NME7: variants seen among roughly 807,000 people sequenced by gnomAD.
NME7 encodes NME/NM23 family member 7.
Under a neutral mutation model 49.1 loss-of-function variants are expected in NME7, and 41 were observed. The ratio of observed to expected loss-of-function variants is 0.83; its 90% CI spans 0.65 to 1.08. The LOEUF (loss-of-function observed/expected upper bound fraction) is 1.08, where lower values mean the gene tolerates loss of function less well. Among genes scored for constraint, NME7 ranks in the 50% least tolerant of loss-of-function variants. The probability of loss-of-function intolerance (pLI) is 0.00; values close to 1 mark genes in which losing one functional copy is unlikely to be tolerated. For synonymous variants in NME7, 139 were observed against 150.6 expected (o/e 0.92, Z 0.56); for missense variants, 423 against 463.4 (o/e 0.91, Z 0.80).
chr1:169,221,903 GTTGTTTGTTTGTTTTATTTTTGT>G (rs1661155029), intron 10 of NME7, among the ~76,000 whole-genome samples: 1 of 151,614 alleles, frequency 6.6e-6, no homozygotes, highest in Non-Finnish European at 1.5e-5. Context: ...GTCTGTTGTT[GTTGTTTGTTTGTTTTATTTTTGT>G]TTGTTTGTTT....
At chr1:169,273,049 G>A (rs1270913311) in intron 7 of NME7, among the ~76,000 whole-genome samples, 1 of 134,162 alleles carries the variant, frequency 7.5e-6, no homozygotes, top group Non-Finnish European at 1.8e-5. Context: ...AATGATCAGT[G>A]ATGTTGAGCT....
At chr1:169,168,789 A>G (rs10919082) in intron 11 of NME7, 167,450 of 445,926 alleles carry the variant, frequency 0.38, 33,127 homozygotes, top group East Asian at 0.73. Flanking sequence ...GTATCTATAT[A>G]TATGTTATGC....
At chr1:169,341,469 G>C (rs952946298) in intron 1 of NME7, among the ~76,000 whole-genome samples, 5 of 152,334 alleles carry the variant, frequency 3.3e-5, no homozygotes, top group African/African-American at 7.2e-5. Flanking sequence ...AATGCAGAGG[G>C]AAAATGTGGG....
intron 6 of NME7, 54 bp downstream of exon 6, chr1:169,298,502 A>T: frequency 1.3e-6 from 2 of 1,539,168 alleles, no homozygotes; most frequent in Non-Finnish European, 1.8e-6. Context: ...TTCCTTTGAT[A>T]TAAAACATTT....
intron 6 of NME7, among the ~76,000 whole-genome samples, chr1:169,295,378 G>A (rs1329194037): frequency 1.3e-5 from 2 of 151,962 alleles, no homozygotes; most frequent in African/African-American, 4.8e-5. Context: ...GTGGTAATAG[G>A]GTGAAATAGG....
In NME7 at chr1:169,324,385, T is replaced by C; in HGVS notation, c.111+8A>G. Reference sequence around the variant, plus strand: ...TGCCAACATTCAAGCAAAGAAAGGCTTATTTACCATTTCAACAGATCCATC... The same window carrying C: ...TGCCAACATTCAAGCAAAGAAAGGCCTATTTACCATTTCAACAGATCCATC... On this transcript the variant is annotated splice_region_variant and intron_variant, in intron 2 of 11. Transcript: ENST00000367811. 3.2e-6 allele frequency: 5 copies of C among 1,580,016 alleles called. No individual in the cohort carries two copies. The highest frequency in any genetic ancestry group is 3.5e-6 in the Non-Finnish European group (4 of 1,149,900).
At chr1:169,346,315 G>A (rs1353149277) in intron 1 of NME7, among the ~76,000 whole-genome samples, 1 of 152,138 alleles carries the variant, frequency 6.6e-6, no homozygotes. Flanking sequence ...GGCCTCCAGT[G>A]ATCCGTCTGA....
intron 10 of NME7, among the ~76,000 whole-genome samples, chr1:169,197,291 T>C (rs1273014272): frequency 6.6e-6 from 1 of 152,186 alleles, no homozygotes; most frequent in African/African-American, 2.4e-5. Flanking sequence ...ATGAAATTTA[T>C]TTATGAAATT....
At chr1:169,287,120 A>C in intron 7 of NME7, 183 bp downstream of exon 7, 1 of 541,516 alleles carries the variant, frequency 1.8e-6, no homozygotes, top group Non-Finnish European at 3.3e-6. Context: ...TCCACAAAGA[A>C]AAGACAAATA....
At position 169,180,682 on chromosome 1, in the gene NME7, T is replaced by A. The variant is rs189028110; in HGVS notation, c.991-11128A>T. Among the ~76,000 whole-genome samples, 367 of 152,274 alleles carry A rather than the reference T, an allele frequency of 2.4e-3. 1 individual carries two copies. Among genetic ancestry groups the A allele is most frequent in the Middle Eastern group, 0.017 (5 of 294 alleles). ...TGTGAGCCACCTATGTAATTTAAAA[T>A]TGTCTAGTGGCCACATTAATAAGAA... On this transcript the variant is annotated intron_variant, in intron 10 of 11. Transcript: ENST00000367811.
intron 7 of NME7, among the ~76,000 whole-genome samples, chr1:169,278,170 G>A (rs964516708): frequency 6.7e-6 from 1 of 150,140 alleles, no homozygotes; most frequent in African/African-American, 2.4e-5. Flanking sequence ...ATGTCTTGGA[G>A]TTGCTCTTCT....
chr1:169,169,741 A>C (rs1235535265), intron 10 of NME7, among the ~76,000 whole-genome samples, 187 bp from the exon 11 acceptor site: 1 of 152,204 alleles, frequency 6.6e-6, no homozygotes, highest in Non-Finnish European at 1.5e-5. Context: ...TAATAATTGC[A>C]TTTCTTTTTA....
chr1:169,207,844 T>A (rs900602560), intron 10 of NME7, among the ~76,000 whole-genome samples: 1 of 151,996 alleles, frequency 6.6e-6, no homozygotes, highest in Non-Finnish European at 1.5e-5. Context: ...GAAAACAAAA[T>A]AATGAAGGCT....
chr1:169,355,418 A>G lies in NME7; in HGVS notation c.3+12290T>C, dbSNP rs115395780. On this transcript the variant is annotated intron_variant, in intron 1 of 11. Transcript: ENST00000367811. The stretch of plus-strand genomic sequence containing the variant: ...CATATACCTGCTATGTACCCATAAA[A>G]ATTTTAATTTTGTTTAAAAAAGACT... 1.5e-3 allele frequency among the ~76,000 whole-genome samples: 208 copies of G among 140,622 alleles called. 4 individuals carry two copies. Among genetic ancestry groups the G allele is most frequent in the African/African-American group, 5.4e-3 (203 of 37,332 alleles). The allele number at this position is 140,622 out of a possible 152,430, so 92.3% of individuals were successfully genotyped here.
intron 7 of NME7, among the ~76,000 whole-genome samples, chr1:169,276,307 C>A (rs1649724797): frequency 7.5e-6 from 1 of 133,238 alleles, no homozygotes; most frequent in Non-Finnish European, 1.8e-5. Flanking sequence ...GCTGTGAATC[C>A]ATCTGGTCCT....
intron 10 of NME7, among the ~76,000 whole-genome samples, chr1:169,178,820 CTT>C (rs57619644): frequency 0.088 from 10,966 of 124,184 alleles, 371 homozygotes; most frequent in Admixed American, 0.2. Context: ...GAAACCTCTT[CTT>C]TTTTTTTTTT....
intron 11 of NME7, among the ~76,000 whole-genome samples, chr1:169,150,282 G>T (rs559613468): frequency 6.6e-6 from 1 of 152,208 alleles, no homozygotes; most frequent in East Asian, 1.9e-4. Context: ...AGACAGCTGA[G>T]AAAAATATAT....
chr1:169,251,575 T>A (rs1648616617), intron 7 of NME7, among the ~76,000 whole-genome samples: 1 of 149,088 alleles, frequency 6.7e-6, no homozygotes, highest in African/African-American at 2.5e-5. Context: ...TTTTTTTTAT[T>A]ATACTTTAAG....
At position 169,269,295 on chromosome 1, in the gene NME7, T is replaced by C. The variant is rs1015069834; in HGVS notation, c.754+18008A>G. Among the ~76,000 whole-genome samples, 24 of 134,070 alleles carry C rather than the reference T, an allele frequency of 1.8e-4. 2 individuals are homozygous for C. Among genetic ancestry groups the C allele is most frequent in the African/African-American group, 6.1e-4 (24 of 39,544 alleles). 88.0% of individuals were successfully genotyped at this position (134,070 alleles called of 152,430 possible). A position where few individuals can be genotyped will look rare whatever the true frequency, so the allele number is the denominator to read the frequency against. On this transcript the variant is annotated intron_variant, in intron 7 of 11. Coordinates refer to ENST00000367811, the MANE Select transcript of NME7 (RefSeq NM_013330.5). The stretch of plus-strand genomic sequence containing the variant: ...CAGGGTCCTAACATGTAGTTCAGTG[T>C]ACTTGGTGCAATTGATAAAATTCCA...
Sources: allele counts gnomAD v4.1 joint callset (sites outside exome capture counted in the v4.1 genomes callset), GRCh38; gene constraint gnomAD v4.1.1; transcripts MANE v1.5; gene names NCBI Gene and HGNC (gene_info 2026-07-23, HGNC 2026-07-21).